The following TDRD1 variants were observed in gnomAD, a reference collection of about 807,000 sequenced individuals.
TDRD1 encodes the protein tudor domain containing 1.
TDRD1 carries 37 observed loss-of-function variants against 140.6 expected under a neutral mutation model. That is an observed-to-expected ratio of 0.26 (90% CI 0.20 to 0.35). TDRD1 has a LOEUF of 0.35. Among genes scored for constraint, TDRD1 ranks in the 10% least tolerant of loss-of-function variants. The probability of loss-of-function intolerance (pLI) is 1.00; values close to 1 mark genes in which losing one functional copy is unlikely to be tolerated. For synonymous variants in TDRD1, 506 were observed against 475.7 expected, an observed-to-expected ratio of 1.06 and a Z score of -0.83; for missense variants, 1,243 against 1,393.0, an observed-to-expected ratio of 0.89 and a Z score of 1.71.
intron 6 of TDRD1, 67 bp from the exon 7 acceptor site, chr10:114,203,005 A>G: frequency 1.0e-6 from 1 of 1,000,232 alleles, no homozygotes; most frequent in Non-Finnish European, 1.6e-6. Flanking sequence ...TCCGACGTGT[A>G]GTGGCCATAG....
intron 3 of TDRD1, among the ~76,000 whole-genome samples, chr10:114,192,936 C>G (rs563303511): frequency 1.3e-5 from 2 of 152,152 alleles, no homozygotes; most frequent in South Asian, 4.1e-4. Flanking sequence ...ATTCCTTTGC[C>G]TTCCAACATA....
intron 4 of TDRD1, among the ~76,000 whole-genome samples, chr10:114,200,026 A>G (rs186786405): frequency 1.3e-5 from 2 of 152,336 alleles, no homozygotes; most frequent in East Asian, 1.9e-4. Flanking sequence ...ATAAGAAGCT[A>G]CTAAACCATT....
At chr10:114,194,769 T>G (rs1258956796) in intron 3 of TDRD1, among the ~76,000 whole-genome samples, 2 of 150,796 alleles carry the variant, frequency 1.3e-5, no homozygotes, top group African/African-American at 4.9e-5. Context: ...TTTTTTTTTT[T>G]TTTTTATTAG....
intron 14 of TDRD1, among the ~76,000 whole-genome samples, chr10:114,212,384 CCTT>C (rs1336085474): frequency 6.6e-6 from 1 of 152,118 alleles, no homozygotes; most frequent in Admixed American, 6.6e-5. Flanking sequence ...CAGTAAGTCT[CCTT>C]CTTTTCATGT....
chr10:114,228,868 G>A, intron 25 of TDRD1: 1 of 767,042 alleles, frequency 1.3e-6, no homozygotes, highest in Non-Finnish European at 1.6e-6. Flanking sequence ...CAGATCACCT[G>A]AGCCCAGGCG....
chr10:114,212,127 C>T (rs1304156418), intron 14 of TDRD1, 91 bp downstream of exon 14: 2 of 1,165,342 alleles, frequency 1.7e-6, no homozygotes, highest in African/African-American at 3.2e-5. Context: ...AGCTGCTTCT[C>T]AAAACAACAT....
chr10:114,222,307 C>G (rs2036191756), intron 20 of TDRD1, among the ~76,000 whole-genome samples: 1 of 152,126 alleles, frequency 6.6e-6, no homozygotes. Flanking sequence ...TAAGTTTTCA[C>G]AGAGTGAACA....
At chr10:114,209,979 A>C (rs1425810847) in intron 11 of TDRD1, among the ~76,000 whole-genome samples, 1 of 152,132 alleles carries the variant, frequency 6.6e-6, no homozygotes, top group Non-Finnish European at 1.5e-5. Context: ...GAATTTTATA[A>C]ACCATGTACT....
intron 3 of TDRD1, among the ~76,000 whole-genome samples, chr10:114,197,047 A>G (rs1415925736): frequency 6.6e-6 from 1 of 151,772 alleles, no homozygotes; most frequent in Non-Finnish European, 1.5e-5. Flanking sequence ...GGGTTTCGCC[A>G]TGTTGGCCAG....
chr10:114,202,247 A>C, exon 6 of TDRD1: 1 of 1,603,220 alleles, frequency 6.2e-7, no homozygotes, highest in East Asian at 2.2e-5. Flanking sequence ...GTTTCCACAA[A>C]CTTGAAAATA....
At chr10:114,189,841 C>T (rs991393412) in intron 2 of TDRD1, among the ~76,000 whole-genome samples, 3 of 152,224 alleles carry the variant, frequency 2.0e-5, no homozygotes, top group Non-Finnish European at 1.5e-5. Context: ...CTGTCTTTTC[C>T]AAATGACCAA....
intron 18 of TDRD1, among the ~76,000 whole-genome samples, chr10:114,219,319 CAA>C (rs978593650): frequency 7.2e-5 from 11 of 152,094 alleles, no homozygotes; most frequent in African/African-American, 2.7e-4. Context: ...CTACCTTCCT[CAA>C]AGAGTTGTTA....
chr10:114,214,071 A>G (rs757518323), exon 16 of TDRD1: 3 of 1,613,710 alleles, frequency 1.9e-6, no homozygotes, highest in Non-Finnish European at 2.5e-6. Context: ...TCTGTGTGAT[A>G]TATAGTCCTG....
chr10:114,202,648 T>C (rs2034834197), intron 6 of TDRD1, among the ~76,000 whole-genome samples: 1 of 152,222 alleles, frequency 6.6e-6, no homozygotes, highest in South Asian at 2.1e-4. Flanking sequence ...ATGGGCTGAA[T>C]TATTTGTAAT....
intron 16 of TDRD1, among the ~76,000 whole-genome samples, chr10:114,216,629 T>G (rs778875578): frequency 6.6e-6 from 1 of 152,196 alleles, no homozygotes; most frequent in African/African-American, 2.4e-5. Flanking sequence ...ATTTTTACTT[T>G]AGGAGTAGAT....
intron 13 of TDRD1, among the ~76,000 whole-genome samples, chr10:114,211,173 C>T (rs550106715): frequency 3.9e-5 from 6 of 151,986 alleles, no homozygotes; most frequent in Non-Finnish European, 5.9e-5. Flanking sequence ...AAGGGCAGAG[C>T]GTCTGTGTGT....
Position 114,218,465 on chromosome 10 carries a change from A to G in TDRD1, c.2375A>G (p.His792Arg), listed in dbSNP as rs377385869. 8.6e-5 allele frequency: 139 copies of G among 1,609,888 alleles called. No homozygotes were observed. The highest frequency in any genetic ancestry group is 1.1e-4 in the Non-Finnish European group (128 of 1,177,800). The change falls in exon 18 of 26, where the codon CAT becomes CGT. Residue 792 changes from histidine to arginine, a missense_variant. By Grantham distance (29) the His-to-Arg change is conservative. Transcript: ENST00000251864. Reference sequence around the variant, plus strand: ...GTCAAGGAAATCTTACCAAATGGACATGTTAAAGTACATTTTGTGGATTAT... The same window carrying G: ...GTCAAGGAAATCTTACCAAATGGACGTGTTAAAGTACATTTTGTGGATTAT...
At chr10:114,190,089 C>CT (rs201554155) in intron 2 of TDRD1, among the ~76,000 whole-genome samples, 22 of 151,568 alleles carry the variant, frequency 1.5e-4, no homozygotes, top group African/African-American at 4.1e-4. Flanking sequence ...GGAGGCCAAA[C>CT]TTTTTTTTTC....
intron 13 of TDRD1, 139 bp downstream of exon 13, chr10:114,211,106 C>G (rs2035454340): frequency 1.5e-6 from 1 of 665,434 alleles, no homozygotes; most frequent in African/African-American, 1.8e-5. Context: ...GTGAACCAAT[C>G]ATGTTTTTAA....
Sources: gnomAD v4.1 joint callset for allele counts (sites outside exome capture counted in the v4.1 genomes callset) on GRCh38, gnomAD v4.1.1 for gene constraint, MANE v1.5 for transcripts, NCBI Gene and HGNC (gene_info 2026-07-23, HGNC 2026-07-21) for gene names.